Variants in DOCK4 observed in about 807,000 individuals in gnomAD.
DOCK4 encodes the protein dedicator of cytokinesis 4.
In DOCK4, 97 loss-of-function variants were observed where a neutral mutation model predicts 268.1. The ratio of observed to expected loss-of-function variants is 0.36; its 90% CI spans 0.31 to 0.43. The LOEUF is 0.43. DOCK4 is among the 20% of genes least tolerant of loss of function. The pLI is 1.00. For missense variants in DOCK4, 2,145 were observed against 2,455.7 expected (o/e 0.87, Z 2.67); for synonymous variants, 954 against 887.2 (o/e 1.08, Z -1.34).
intron 1 of DOCK4, among the ~76,000 whole-genome samples, chr7:112,041,837 T>C (rs1804390404): frequency 6.6e-6 from 1 of 152,212 alleles, no homozygotes; most frequent in Non-Finnish European, 1.5e-5. Flanking sequence ...AAAGAGAAGA[T>C]ATTTGCTTGG....
At chr7:112,063,670 A>G (rs2135611776) in intron 1 of DOCK4, among the ~76,000 whole-genome samples, 1 of 152,324 alleles carries the variant, frequency 6.6e-6, no homozygotes, top group South Asian at 2.1e-4. Context: ...CTGTACAATC[A>G]TAAGAAAAAA....
chr7:112,076,898 C>G (rs1808115174), intron 1 of DOCK4, among the ~76,000 whole-genome samples: 1 of 152,068 alleles, frequency 6.6e-6, no homozygotes, highest in Non-Finnish European at 1.5e-5. Context: ...TTAAGGTTGA[C>G]AAGTATATTT....
rs759533153 is a variant in DOCK4, at chr7:111,769,562, G to T, written c.3795C>A (p.His1265Gln). ...TGTCAAAGTTCTGGATGATGGTGAG[G>T]TGCAGGTGCTCTTTGCGCTGCCATT... Reference protein sequence around the residue: ...QTEWQRKEHLHLTIIQNFDRG... With the variant: ...QTEWQRKEHLQLTIIQNFDRG... Residue 1265 changes from histidine (H) to glutamine (Q), a missense_variant, in exon 37 of 53, where the codon CAC becomes CAA. By Grantham distance (24) the His-to-Gln change is conservative. Transcript: ENST00000428084. The T allele has an allele frequency of 4.3e-6, 7 of 1,613,786 alleles. No individual in the cohort carries two copies. The highest frequency in any genetic ancestry group is 5.9e-6 in the Non-Finnish European group (7 of 1,179,760).
At chr7:112,091,194 C>T (rs1809596469) in intron 1 of DOCK4, among the ~76,000 whole-genome samples, 1 of 152,144 alleles carries the variant, frequency 6.6e-6, no homozygotes, top group Non-Finnish European at 1.5e-5. Context: ...AGTGTTCCTA[C>T]CAACTAATTC....
At chr7:112,008,888 G>A (rs2135346439) in intron 1 of DOCK4, among the ~76,000 whole-genome samples, 1 of 152,292 alleles carries the variant, frequency 6.6e-6, no homozygotes, top group South Asian at 2.1e-4. Context: ...CAGCTACTTG[G>A]GAGGCTGAGC....
intron 36 of DOCK4, among the ~76,000 whole-genome samples, chr7:111,770,922 G>A (rs1798088642): frequency 6.6e-6 from 1 of 152,136 alleles, no homozygotes; most frequent in Non-Finnish European, 1.5e-5. Flanking sequence ...GAAGGGCCAG[G>A]GCCCCTATCA....
At chr7:111,730,667 T>G (rs960113521) in intron 52 of DOCK4, among the ~76,000 whole-genome samples, 1 of 152,122 alleles carries the variant, frequency 6.6e-6, no homozygotes, top group Non-Finnish European at 1.5e-5. Flanking sequence ...ACTAAACTCT[T>G]ATCAGTTAAG....
chr7:111,815,498 TG>T (rs1369795398), intron 27 of DOCK4, among the ~76,000 whole-genome samples: 1 of 152,234 alleles, frequency 6.6e-6, no homozygotes, highest in Non-Finnish European at 1.5e-5. Flanking sequence ...CATGAATCAG[TG>T]TTTGAATATG....
chr7:111,918,697 TA>T (rs1327447518), intron 12 of DOCK4, among the ~76,000 whole-genome samples: 1 of 152,168 alleles, frequency 6.6e-6, no homozygotes, highest in Non-Finnish European at 1.5e-5. Context: ...CCCACATCAT[TA>T]CCATCATCAT....
chr7:111,990,623 G>A (rs1799445310), intron 5 of DOCK4, among the ~76,000 whole-genome samples: 1 of 152,168 alleles, frequency 6.6e-6, no homozygotes, highest in African/African-American at 2.4e-5. Context: ...TCTCCAGGAT[G>A]CCATCCCTGA....
chr7:112,188,944 A>G (rs1164924097), intron 1 of DOCK4, among the ~76,000 whole-genome samples: 1 of 152,184 alleles, frequency 6.6e-6, no homozygotes, highest in Non-Finnish European at 1.5e-5. Flanking sequence ...ATGTCACACC[A>G]CTGCAAATGA....
chr7:112,048,775 CT>C (rs1041554660), intron 1 of DOCK4, among the ~76,000 whole-genome samples: 20 of 147,632 alleles, frequency 1.4e-4, no homozygotes, highest in Admixed American at 1.4e-4. Flanking sequence ...AAATATCTTT[CT>C]TTTTTTTTTA....
chr7:111,916,391 A>G (rs1792589178), intron 12 of DOCK4, among the ~76,000 whole-genome samples: 1 of 152,216 alleles, frequency 6.6e-6, no homozygotes, highest in African/African-American at 2.4e-5. Flanking sequence ...AAGGATATTG[A>G]TAGAGATTTT....
chr7:112,183,563 G>A (rs1261185440), intron 1 of DOCK4, among the ~76,000 whole-genome samples: 4 of 152,168 alleles, frequency 2.6e-5, no homozygotes, highest in African/African-American at 7.2e-5. Context: ...AGGATGGCAT[G>A]GGCATGTGGG....
intron 38 of DOCK4, among the ~76,000 whole-genome samples, chr7:111,766,166 G>A (rs747815516): frequency 6.6e-6 from 1 of 152,186 alleles, no homozygotes; most frequent in Non-Finnish European, 1.5e-5. Context: ...TCGTTTTCAT[G>A]TTAGGAGAAG....
intron 1 of DOCK4, among the ~76,000 whole-genome samples, chr7:112,138,655 T>C (rs185425937): frequency 1.5e-3 from 235 of 152,264 alleles, no homozygotes; most frequent in Non-Finnish European, 3.2e-4. Context: ...CAATTCTCTG[T>C]TCCTGTTATG....
intron 23 of DOCK4, among the ~76,000 whole-genome samples, chr7:111,855,600 T>C (rs983661726): frequency 6.6e-6 from 1 of 152,026 alleles, no homozygotes; most frequent in Non-Finnish European, 1.5e-5. Flanking sequence ...GGCCTAGAAA[T>C]ATAAATGTGA....
chr7:111,912,905 TCA>T (rs1193736613), intron 13 of DOCK4, among the ~76,000 whole-genome samples: 1 of 152,008 alleles, frequency 6.6e-6, no homozygotes, highest in African/African-American at 2.4e-5. Context: ...GGCTATTCTC[TCA>T]CAAAATTATG....
In DOCK4 at chr7:112,055,217, A is replaced by G. The variant is rs187698495; in HGVS notation, c.38-51086T>C. On this transcript the variant is annotated intron_variant, in intron 1 of 52. Transcript: ENST00000428084. Reference sequence around the variant, plus strand: ...TAAATAATGACCTAAAATACTTCTAATATTCAACACTGAAATAAATGTGAG... The same window carrying G: ...TAAATAATGACCTAAAATACTTCTAGTATTCAACACTGAAATAAATGTGAG... Among the ~76,000 whole-genome samples, 6 of 152,372 alleles carry G rather than the reference A, an allele frequency of 3.9e-5. No homozygotes were observed. In the East Asian group the frequency reaches 7.7e-4, roughly 20 times the overall value.
Sources: allele counts gnomAD v4.1 joint callset (sites outside exome capture counted in the v4.1 genomes callset), GRCh38; gene constraint gnomAD v4.1.1; transcripts MANE v1.5; gene names NCBI Gene and HGNC (gene_info 2026-07-23, HGNC 2026-07-21).